NELL1: variants seen among roughly 807,000 people sequenced by gnomAD.
NELL1 encodes protein kinase C-binding protein NELL1.
NELL1 carries 76 observed loss-of-function variants against 107.4 expected under a neutral mutation model. The ratio of observed to expected loss-of-function variants is 0.71; its 90% confidence interval spans 0.59 to 0.86. The LOEUF is 0.86. Ranked by LOEUF, NELL1 falls within the 40% of genes least tolerant of loss-of-function variation. The probability of loss-of-function intolerance (pLI) is 0.00; values close to 1 mark genes in which losing one functional copy is unlikely to be tolerated. For missense variants in NELL1, 1,024 were observed against 1,005.5 expected (o/e 1.02, Z -0.25); for synonymous variants, 353 against 341.2 (o/e 1.03, Z -0.38).
chr11:20,918,835 G>A (rs759610285), intron 6 of NELL1, among the ~76,000 whole-genome samples: 1 of 151,944 alleles, frequency 6.6e-6, no homozygotes. Context: ...GAAAAGAAGA[G>A]GGTTACATTA....
intron 1 of NELL1, among the ~76,000 whole-genome samples, chr11:20,676,223 A>T (rs2467091): frequency 2.6e-5 from 4 of 151,418 alleles, no homozygotes; most frequent in East Asian, 2.0e-4. Flanking sequence ...CTTGAAAGAA[A>T]CTTTTCAACC....
intron 13 of NELL1, among the ~76,000 whole-genome samples, chr11:21,202,222 T>C (rs1857285716): frequency 6.6e-6 from 1 of 152,226 alleles, no homozygotes; most frequent in Non-Finnish European, 1.5e-5. Context: ...TCTTTGTACC[T>C]CTGGTAGAAT....
chr11:21,401,704 G>A (rs1852100992), intron 15 of NELL1, among the ~76,000 whole-genome samples: 2 of 151,654 alleles, frequency 1.3e-5, no homozygotes, highest in African/African-American at 4.8e-5. Flanking sequence ...GCTATTCATA[G>A]GATAAGAAAG....
At chr11:21,318,351 C>T (rs565184969) in intron 14 of NELL1, among the ~76,000 whole-genome samples, 1 of 152,140 alleles carries the variant, frequency 6.6e-6, no homozygotes, top group African/African-American at 2.4e-5. Flanking sequence ...AGGATGGGGC[C>T]ATGGCCAGTA....
intron 12 of NELL1, among the ~76,000 whole-genome samples, chr11:21,072,075 A>AT (rs1320630784): frequency 1.3e-5 from 2 of 152,124 alleles, no homozygotes; most frequent in African/African-American, 4.8e-5. Flanking sequence ...TGCAGAAGAG[A>AT]ATAAATTTAA....
intron 13 of NELL1, among the ~76,000 whole-genome samples, chr11:21,124,143 T>C (rs1173326065): frequency 6.6e-6 from 1 of 152,144 alleles, no homozygotes; most frequent in Non-Finnish European, 1.5e-5. Context: ...AAATTTTCTG[T>C]AGAAAGAAAT....
chr11:21,097,563 G>A (rs1476650909), intron 12 of NELL1, among the ~76,000 whole-genome samples: 2 of 152,134 alleles, frequency 1.3e-5, no homozygotes, highest in Non-Finnish European at 2.9e-5. Context: ...GAGGTGGAGT[G>A]TGTGAGATGT....
chr11:21,379,706 A>G (rs1309476866), intron 15 of NELL1, among the ~76,000 whole-genome samples: 1 of 152,150 alleles, frequency 6.6e-6, no homozygotes, highest in Non-Finnish European at 1.5e-5. Context: ...AAAATTTTGC[A>G]GAAAAATTTA....
At chr11:20,812,718 T>C (rs564968990) in intron 3 of NELL1, among the ~76,000 whole-genome samples, 1 of 151,742 alleles carries the variant, frequency 6.6e-6, no homozygotes, top group East Asian at 1.9e-4. Flanking sequence ...CTAAAAGAAA[T>C]AGCAGAGGGG....
chr11:20,705,111 A>C (rs963580977), intron 2 of NELL1, among the ~76,000 whole-genome samples: 4 of 152,192 alleles, frequency 2.6e-5, no homozygotes, highest in Non-Finnish European at 4.4e-5. Flanking sequence ...AGATTGAATG[A>C]CATCCCCATC....
chr11:21,554,556 A>T (rs950323776), intron 16 of NELL1, among the ~76,000 whole-genome samples: 1 of 151,772 alleles, frequency 6.6e-6, no homozygotes, highest in African/African-American at 2.4e-5. Flanking sequence ...TCCTGAAGAG[A>T]TGGGAGAGTG....
intron 4 of NELL1, among the ~76,000 whole-genome samples, chr11:20,872,545 G>C (rs1564943965): frequency 6.6e-6 from 1 of 152,038 alleles, no homozygotes; most frequent in Non-Finnish European, 1.5e-5. Flanking sequence ...AGCTTATGAG[G>C]CTATCCTACT....
chr11:20,941,105 C>T (rs370930918), intron 10 of NELL1, among the ~76,000 whole-genome samples: 14 of 152,110 alleles, frequency 9.2e-5, no homozygotes. Flanking sequence ...TGCCACTGCA[C>T]TACAGCCTGG....
intron 16 of NELL1, among the ~76,000 whole-genome samples, chr11:21,534,940 A>G (rs1275399641): frequency 6.6e-6 from 1 of 152,206 alleles, no homozygotes; most frequent in Non-Finnish European, 1.5e-5. Context: ...AAGAGTCACT[A>G]TAGTCTCTAA....
chr11:21,458,588 A>T (rs1853810520), intron 15 of NELL1, among the ~76,000 whole-genome samples: 1 of 152,196 alleles, frequency 6.6e-6, no homozygotes, highest in South Asian at 2.1e-4. Context: ...TTCTTGTAAT[A>T]TATTTTGAGT....
intron 4 of NELL1, among the ~76,000 whole-genome samples, chr11:20,865,739 C>G (rs73454887): frequency 6.5e-4 from 99 of 152,258 alleles, no homozygotes; most frequent in African/African-American, 2.3e-3. Context: ...AAGGGAAGAG[C>G]TTTTCCCATC....
intron 15 of NELL1, among the ~76,000 whole-genome samples, chr11:21,385,649 A>T (rs968047531): frequency 1.3e-5 from 2 of 151,970 alleles, no homozygotes; most frequent in African/African-American, 4.8e-5. Flanking sequence ...TTCTTCCGGC[A>T]TTGCAGCCGG....
intron 13 of NELL1, among the ~76,000 whole-genome samples, chr11:21,199,714 G>A (rs1439571464): frequency 6.6e-6 from 1 of 151,946 alleles, no homozygotes; most frequent in African/African-American, 2.4e-5. Context: ...TTGTTACATA[G>A]GTATACATGT....
intron 14 of NELL1, among the ~76,000 whole-genome samples, chr11:21,252,603 GT>G (rs1322593975): frequency 1.3e-5 from 2 of 152,096 alleles, no homozygotes; most frequent in Non-Finnish European, 2.9e-5. Flanking sequence ...GCTAAATTTA[GT>G]CAAAAGCTAT....
Sources: allele counts gnomAD v4.1 joint callset (sites outside exome capture counted in the v4.1 genomes callset), GRCh38; gene constraint gnomAD v4.1.1; transcripts MANE v1.5; gene names NCBI Gene and HGNC (gene_info 2026-07-23, HGNC 2026-07-21).